The following SYT1 variants were observed in gnomAD, a reference collection of about 807,000 sequenced individuals.
The protein encoded by SYT1 is synaptotagmin-1.
A neutral mutation model predicts 44.8 loss-of-function variants in SYT1; 8 were observed. The observed-to-expected ratio is 0.18, with a 90% confidence interval of 0.10 to 0.32. The LOEUF is 0.32. Ranked by LOEUF, SYT1 falls within the 10% of genes least tolerant of loss-of-function variation. The pLI, the probability that SYT1 is intolerant of heterozygous loss-of-function variation, is 1.00. For synonymous variants in SYT1, 154 were observed against 188.8 expected, an observed-to-expected ratio of 0.82 and a Z score of 1.51; for missense variants, 286 against 509.3, an observed-to-expected ratio of 0.56 and a Z score of 4.22.
At chr12:78,969,506 TGAG>T (rs926213386) in intron 1 of SYT1, among the ~76,000 whole-genome samples, 29 of 152,228 alleles carry the variant, frequency 1.9e-4, no homozygotes, top group African/African-American at 6.7e-4. Context: ...AAGAGCAGTT[TGAG>T]GAGGACAGAG....
Position 79,179,121 on chromosome 12 carries a change from G to GAT in SYT1, c.-17-38378_-17-38377dup, listed in dbSNP as rs1872170058. ...ATATAGATATATAGATATAGATATA[G>GAT]ATATAGATATATAGATATAGATATA... On this transcript the variant is annotated intron_variant, in intron 3 of 10. Transcript: ENST00000261205. 4.9e-5 allele frequency among the ~76,000 whole-genome samples: 6 copies of GAT among 121,994 alleles called. 1 individual carries two copies. The East Asian group carries it at 9.8e-4, about 20-fold the overall frequency. 80.0% of individuals were successfully genotyped at this position (121,994 alleles called of 152,430 possible).
chr12:78,975,584 T>C (rs528758577), intron 1 of SYT1, among the ~76,000 whole-genome samples: 3 of 152,352 alleles, frequency 2.0e-5, no homozygotes, highest in East Asian at 3.9e-4. Flanking sequence ...ATCTGTGTTA[T>C]TTAATCTGTG....
intron 1 of SYT1, among the ~76,000 whole-genome samples, chr12:78,930,391 T>G (rs1339059276): frequency 6.6e-6 from 1 of 151,912 alleles, no homozygotes; most frequent in Non-Finnish European, 1.5e-5. Flanking sequence ...TGTAATACAT[T>G]TTCAATCAAA....
At chr12:79,446,993 C>T (rs560145692) in intron 10 of SYT1, among the ~76,000 whole-genome samples, 1 of 152,228 alleles carries the variant, frequency 6.6e-6, no homozygotes, top group Admixed American at 6.5e-5. Context: ...AAATAAATAT[C>T]CTTTTCAACT....
At chr12:78,867,041 G>T (rs1273400313) in intron 1 of SYT1, among the ~76,000 whole-genome samples, 1 of 139,764 alleles carries the variant, frequency 7.2e-6, no homozygotes, top group Non-Finnish European at 1.6e-5. Flanking sequence ...TTCTTTCTAG[G>T]GCTTTGACAT....
intron 3 of SYT1, among the ~76,000 whole-genome samples, chr12:79,192,230 A>T (rs1873176077): frequency 6.6e-6 from 1 of 152,196 alleles, no homozygotes; most frequent in Admixed American, 6.6e-5. Flanking sequence ...ATCACATAGG[A>T]TGAAAGGAAC....
At chr12:79,422,426 T>C (rs1869174827) in intron 9 of SYT1, among the ~76,000 whole-genome samples, 1 of 151,790 alleles carries the variant, frequency 6.6e-6, no homozygotes, top group Non-Finnish European at 1.5e-5. Context: ...TTCCCCCATC[T>C]TACTCATACC....
At chr12:78,954,301 C>T (rs1021114209) in intron 1 of SYT1, among the ~76,000 whole-genome samples, 3 of 152,098 alleles carry the variant, frequency 2.0e-5, no homozygotes, top group African/African-American at 7.2e-5. Context: ...AAATTACAGC[C>T]TCACAATTAA....
At chr12:79,144,883 T>C (rs1316674136) in intron 3 of SYT1, among the ~76,000 whole-genome samples, 1 of 152,226 alleles carries the variant, frequency 6.6e-6, no homozygotes, top group Non-Finnish European at 1.5e-5. Flanking sequence ...AAATTTTGTG[T>C]CATGTTAGTG....
intron 9 of SYT1, among the ~76,000 whole-genome samples, chr12:79,391,495 T>TA (rs1884655037): frequency 1.3e-5 from 2 of 152,258 alleles, no homozygotes; most frequent in East Asian, 1.9e-4. Flanking sequence ...CTAGGAATTT[T>TA]AAAAAAACTA....
intron 1 of SYT1, among the ~76,000 whole-genome samples, chr12:78,887,188 C>A (rs1297611445): frequency 6.6e-6 from 1 of 152,002 alleles, no homozygotes; most frequent in East Asian, 2.0e-4. Flanking sequence ...AAATCTCACG[C>A]CATCCTACTC....
chr12:79,075,853 A>G lies in SYT1; in HGVS notation c.-18+28491A>G, dbSNP rs374821067. On this transcript the variant is annotated intron_variant, in intron 3 of 10. Transcript: ENST00000261205. ...TTGAAAACCCCAAGAAAAGAAAACC[A>G]TGCAAATTAGAAGTGAATATATATT... 1.4e-4 allele frequency among the ~76,000 whole-genome samples: 22 copies of G among 152,290 alleles called. No homozygotes were observed. The East Asian group carries it at 4.1e-3, about 28-fold the overall frequency.
chr12:78,978,353 G>A (rs1423136638), intron 2 of SYT1, among the ~76,000 whole-genome samples: 2 of 152,156 alleles, frequency 1.3e-5, no homozygotes, highest in African/African-American at 2.4e-5. Flanking sequence ...ATTTTAGCAC[G>A]AGTATTGGGT....
chr12:79,159,516 C>T (rs1209589872), intron 3 of SYT1, among the ~76,000 whole-genome samples: 1 of 152,092 alleles, frequency 6.6e-6, no homozygotes, highest in African/African-American at 2.4e-5. Flanking sequence ...ACTTTTATTA[C>T]AGTATATTAT....
At chr12:79,167,794 T>C (rs1196649634) in intron 3 of SYT1, among the ~76,000 whole-genome samples, 1 of 152,048 alleles carries the variant, frequency 6.6e-6, no homozygotes. Flanking sequence ...GCTTGTTTCA[T>C]GGAAGACAAT....
At chr12:79,038,353 C>A (rs548931137) in intron 2 of SYT1, among the ~76,000 whole-genome samples, 51 of 151,558 alleles carry the variant, frequency 3.4e-4, no homozygotes, top group African/African-American at 1.2e-3. Flanking sequence ...TAATAATGTT[C>A]TTAACAGTTA....
chr12:79,246,836 T>C (rs1045744185), intron 4 of SYT1, among the ~76,000 whole-genome samples: 3 of 152,220 alleles, frequency 2.0e-5, no homozygotes, highest in African/African-American at 7.2e-5. Context: ...TAGTCATTTA[T>C]CTCTTATCTC....
At chr12:79,337,213 C>T (rs941988398) in intron 8 of SYT1, among the ~76,000 whole-genome samples, 1 of 152,164 alleles carries the variant, frequency 6.6e-6, no homozygotes, top group South Asian at 2.1e-4. Flanking sequence ...GGAGAACATG[C>T]TCAGAGTGCA....
rs183593075 is a variant in SYT1 at position 79,001,489 on chromosome 12, G to C, written c.-84+23558G>C. The stretch of plus-strand genomic sequence containing the variant: ...CGCATTTAAGGAGAATCTATGACTA[G>C]GGTTTAGAAGACTAAAGATGTTACA... On this transcript the variant is annotated intron_variant, in intron 2 of 10. Transcript: ENST00000261205. Among the ~76,000 whole-genome samples, 383 of 152,228 alleles carry C rather than the reference G, an allele frequency of 2.5e-3. 1 individual carries two copies. Among genetic ancestry groups the C allele is most frequent in the Non-Finnish European group, 4.8e-3 (323 of 67,974 alleles).
Sources: allele counts gnomAD v4.1 joint callset (sites outside exome capture counted in the v4.1 genomes callset), GRCh38; gene constraint gnomAD v4.1.1; transcripts MANE v1.5; gene names NCBI Gene and HGNC (gene_info 2026-07-23, HGNC 2026-07-21).